Variants in GRM3 observed in about 807,000 individuals in gnomAD.
GRM3 encodes the protein metabotropic glutamate receptor 3.
GRM3 carries 26 observed loss-of-function variants against 70.5 expected under a neutral mutation model. The observed-to-expected ratio is 0.37, with a 90% confidence interval of 0.27 to 0.51. GRM3 has a LOEUF of 0.51. Ranked by LOEUF, GRM3 falls within the 20% of genes least tolerant of loss-of-function variation. The probability of loss-of-function intolerance (pLI) is 0.93; values close to 1 mark genes in which losing one functional copy is unlikely to be tolerated. For missense variants in GRM3, 859 were observed against 1,123.8 expected (o/e 0.76, Z 3.37); for synonymous variants, 443 against 434.9 (o/e 1.02, Z -0.23).
intron 1 of GRM3, among the ~76,000 whole-genome samples, chr7:86,669,625 G>A (rs983654403): frequency 3.3e-5 from 5 of 152,114 alleles, no homozygotes; most frequent in Admixed American, 6.6e-5. Context: ...TGGTAGTAAC[G>A]TTGAATGTGG....
At chr7:86,703,129 A>C (rs186331956) in intron 1 of GRM3, among the ~76,000 whole-genome samples, 6 of 152,112 alleles carry the variant, frequency 3.9e-5, no homozygotes, top group Admixed American at 2.0e-4. Flanking sequence ...TAAATGTCTT[A>C]AAAAGACATT....
intron 1 of GRM3, among the ~76,000 whole-genome samples, chr7:86,680,955 G>A (rs1440815655): frequency 6.6e-6 from 1 of 152,040 alleles, no homozygotes; most frequent in East Asian, 1.9e-4. Context: ...TCTCCAGCTA[G>A]GATCTCTCTT....
intron 1 of GRM3, among the ~76,000 whole-genome samples, chr7:86,747,572 C>A (rs377647118): frequency 3.3e-5 from 5 of 151,974 alleles, no homozygotes; most frequent in East Asian, 3.9e-4. Flanking sequence ...TAATCTTCAC[C>A]AGAAGTACAC....
intron 1 of GRM3, among the ~76,000 whole-genome samples, chr7:86,729,737 A>G (rs1016830236): frequency 2.0e-4 from 31 of 152,344 alleles, no homozygotes; most frequent in Admixed American, 5.2e-4. Flanking sequence ...AAAGTCCCAT[A>G]TTTCTCACAT....
chr7:86,679,789 C>A (rs1794399595), intron 1 of GRM3, among the ~76,000 whole-genome samples: 1 of 151,884 alleles, frequency 6.6e-6, no homozygotes, highest in South Asian at 2.1e-4. Context: ...CAAAACCTGC[C>A]CGGGGAGGTT....
intron 1 of GRM3, among the ~76,000 whole-genome samples, chr7:86,703,843 G>A (rs566954336): frequency 7.2e-5 from 11 of 151,756 alleles, no homozygotes; most frequent in Admixed American, 6.6e-4. Context: ...ACTTTTTAAG[G>A]TCCTCTCTAA....
At chr7:86,847,379 A>T (rs1447301450) in intron 4 of GRM3, among the ~76,000 whole-genome samples, 1 of 152,186 alleles carries the variant, frequency 6.6e-6, no homozygotes, top group African/African-American at 2.4e-5. Flanking sequence ...GGTGCCACTT[A>T]AACAGTGACA....
At chr7:86,807,653 G>T (rs1399616105) in intron 3 of GRM3, among the ~76,000 whole-genome samples, 2 of 152,042 alleles carry the variant, frequency 1.3e-5, no homozygotes, top group African/African-American at 4.8e-5. Flanking sequence ...GGGCTGAGAT[G>T]ATGGGGTTTT....
chr7:86,725,820 G>A (rs757841479), intron 1 of GRM3, among the ~76,000 whole-genome samples: 3 of 152,086 alleles, frequency 2.0e-5, no homozygotes, highest in Non-Finnish European at 4.4e-5. Context: ...GTTCTTATAA[G>A]GGCCATCCGC....
At chr7:86,753,100 C>A (rs1796267260) in intron 1 of GRM3, among the ~76,000 whole-genome samples, 2 of 151,994 alleles carry the variant, frequency 1.3e-5, no homozygotes, top group Admixed American at 1.3e-4. Context: ...GCCAGCAGTT[C>A]CCCAAGATCA....
intron 5 of GRM3, among the ~76,000 whole-genome samples, chr7:86,852,105 G>A (rs1297307814): frequency 6.6e-6 from 1 of 152,108 alleles, no homozygotes; most frequent in Non-Finnish European, 1.5e-5. Context: ...AGAATTTAGA[G>A]TCAGTTCCTA....
chr7:86,779,538 C>T (rs1318841439), intron 2 of GRM3, among the ~76,000 whole-genome samples: 1 of 152,228 alleles, frequency 6.6e-6, no homozygotes, highest in Non-Finnish European at 1.5e-5. Context: ...CACCTCTATA[C>T]TCTGTGAGGC....
intron 1 of GRM3, among the ~76,000 whole-genome samples, chr7:86,671,023 C>T (rs1449978497): frequency 6.6e-6 from 1 of 152,132 alleles, no homozygotes; most frequent in Non-Finnish European, 1.5e-5. Flanking sequence ...GAACTACTAA[C>T]TGAAATATGA....
chr7:86,743,253 T>C (rs1164921213), intron 1 of GRM3, among the ~76,000 whole-genome samples: 1 of 152,166 alleles, frequency 6.6e-6, no homozygotes, highest in Non-Finnish European at 1.5e-5. Flanking sequence ...CAGATAATAC[T>C]CTCTGATTTA....
intron 1 of GRM3, among the ~76,000 whole-genome samples, chr7:86,672,980 A>T (rs11983245): frequency 6.6e-6 from 1 of 152,178 alleles, no homozygotes; most frequent in Non-Finnish European, 1.5e-5. Context: ...CAAAAAAGGT[A>T]ATGAACTAAG....
At chr7:86,827,517 C>CTTT (rs574706020) in intron 3 of GRM3, among the ~76,000 whole-genome samples, 1 of 145,446 alleles carries the variant, frequency 6.9e-6, no homozygotes, top group Non-Finnish European at 1.5e-5. Flanking sequence ...ATATAAATCA[C>CTTT]TTTTTTTTTT....
At chr7:86,768,582 G>A (rs552497473) in intron 2 of GRM3, among the ~76,000 whole-genome samples, 13 of 152,292 alleles carry the variant, frequency 8.5e-5, no homozygotes, top group African/African-American at 2.4e-4. Context: ...TTTTGAGGAT[G>A]AGTAAGAATG....
chr7:86,690,357 T>A (rs1732669732), intron 1 of GRM3, among the ~76,000 whole-genome samples: 1 of 152,178 alleles, frequency 6.6e-6, no homozygotes, highest in Non-Finnish European at 1.5e-5. Flanking sequence ...ATACAATAGA[T>A]GGCAGTTGAA....
At chr7:86,748,319 T>G (rs1315727107) in intron 1 of GRM3, among the ~76,000 whole-genome samples, 2 of 152,132 alleles carry the variant, frequency 1.3e-5, no homozygotes, top group African/African-American at 4.8e-5. Context: ...AAGAATATTG[T>G]CTAATGAAAG....
Sources: gnomAD v4.1 joint callset for allele counts (sites outside exome capture counted in the v4.1 genomes callset) on GRCh38, gnomAD v4.1.1 for gene constraint, MANE v1.5 for transcripts, NCBI Gene and HGNC (gene_info 2026-07-23, HGNC 2026-07-21) for gene names.